BRINP3: variants seen among roughly 807,000 people sequenced by gnomAD.
BRINP3 encodes the protein BMP/retinoic acid inducible neural specific 3.
In BRINP3, 19 loss-of-function variants were observed where a neutral mutation model predicts 71.0. That is an observed-to-expected ratio of 0.27 (90% CI 0.19 to 0.39). The LOEUF (loss-of-function observed/expected upper bound fraction) is 0.39, where lower values mean the gene tolerates loss of function less well. BRINP3 is among the 10% of genes least tolerant of loss of function. The pLI is 1.00. For synonymous variants in BRINP3, 380 were observed against 337.7 expected (o/e 1.13, Z -1.37); for missense variants, 959 against 940.8 (o/e 1.02, Z -0.25).
intron 7 of BRINP3, among the ~76,000 whole-genome samples, chr1:190,143,485 G>A (rs1261496657): frequency 6.6e-6 from 1 of 152,172 alleles, no homozygotes; most frequent in African/African-American, 2.4e-5. Flanking sequence ...TCTCATACCT[G>A]CAGGACCAAT....
intron 2 of BRINP3, among the ~76,000 whole-genome samples, chr1:190,296,082 G>A (rs1421987001): frequency 3.4e-5 from 5 of 148,640 alleles, no homozygotes; most frequent in East Asian, 2.0e-4. Flanking sequence ...TTTTTGGGGG[G>A]GGGCTGGGCT....
At chr1:190,134,848 C>T (rs1654842156) in intron 7 of BRINP3, among the ~76,000 whole-genome samples, 1 of 152,048 alleles carries the variant, frequency 6.6e-6, no homozygotes, top group Non-Finnish European at 1.5e-5. Context: ...TCCTACAGAG[C>T]TGGAACATGA....
At chr1:190,180,820 A>G (rs960352321) in intron 6 of BRINP3, among the ~76,000 whole-genome samples, 1 of 152,074 alleles carries the variant, frequency 6.6e-6, no homozygotes, top group African/African-American at 2.4e-5. Flanking sequence ...TTAACATTTT[A>G]TTTTAAAATA....
At chr1:190,293,577 G>T (rs1163940721) in intron 2 of BRINP3, among the ~76,000 whole-genome samples, 2 of 152,084 alleles carry the variant, frequency 1.3e-5, no homozygotes, top group African/African-American at 4.8e-5. Context: ...TTCCTTGTTG[G>T]TTTTCTGCCT....
intron 2 of BRINP3, among the ~76,000 whole-genome samples, chr1:190,404,295 A>C (rs1039709726): frequency 6.6e-6 from 1 of 152,152 alleles, no homozygotes; most frequent in Non-Finnish European, 1.5e-5. Flanking sequence ...AAGGAAGAAA[A>C]ATGAATTCAT....
chr1:190,383,722 A>C (rs1670699830), intron 2 of BRINP3, among the ~76,000 whole-genome samples: 1 of 152,076 alleles, frequency 6.6e-6, no homozygotes, highest in Admixed American at 6.6e-5. Flanking sequence ...AGTCAGAATA[A>C]CACTAATTTC....
chr1:190,270,586 T>C (rs79530610), intron 3 of BRINP3, among the ~76,000 whole-genome samples: 2,151 of 151,886 alleles, frequency 0.014, 55 homozygotes, highest in African/African-American at 0.049. Flanking sequence ...CAGTATGTTG[T>C]TACATATGAG....
chr1:190,181,194 C>G (rs567030399), intron 6 of BRINP3, among the ~76,000 whole-genome samples: 2 of 152,146 alleles, frequency 1.3e-5, no homozygotes, highest in East Asian at 3.9e-4. Flanking sequence ...CTTTACTTAT[C>G]ATAATGCCCT....
chr1:190,180,740 T>C (rs978523037), intron 6 of BRINP3, among the ~76,000 whole-genome samples: 1 of 152,072 alleles, frequency 6.6e-6, no homozygotes, highest in Admixed American at 6.6e-5. Context: ...GTCAGTGTGT[T>C]AGCCATAGTA....
At chr1:190,400,839 C>T (rs10920713) in intron 2 of BRINP3, among the ~76,000 whole-genome samples, 26,224 of 152,106 alleles carry the variant, frequency 0.17, 2,398 homozygotes, top group East Asian at 0.22. Context: ...TTCAGAAACA[C>T]TGGTTTTAGA....
At chr1:190,304,902 A>G (rs1664989011) in intron 2 of BRINP3, among the ~76,000 whole-genome samples, 1 of 151,902 alleles carries the variant, frequency 6.6e-6, no homozygotes, top group South Asian at 2.1e-4. Flanking sequence ...CAAGGAGCTC[A>G]AACAGCTCAA....
chr1:190,098,884 C>G lies in BRINP3; in HGVS notation c.1435G>C (p.Ala479Pro), dbSNP rs1651436597. 1 of 1,614,154 alleles carries G rather than the reference C, an allele frequency of 6.2e-7. No homozygotes were observed. The part of the protein sequence containing the change: ...LSQGLCKPEV[A>P]ESTDHYIGFE... ...CCAATATAGTGATCGGTGGACTCGG[C>G]GACTTCAGGCTTGCAGAGCCCCTGG... Residue 479 changes from alanine to proline, a missense_variant, in exon 8 of 8, where the codon GCC becomes CCC. By Grantham distance (27) the Ala-to-Pro change is conservative. Coordinates refer to ENST00000367462, the MANE Select transcript of BRINP3 (RefSeq NM_199051.3).
chr1:190,411,201 A>C (rs1271783307), intron 2 of BRINP3, among the ~76,000 whole-genome samples: 1 of 152,128 alleles, frequency 6.6e-6, no homozygotes, highest in Non-Finnish European at 1.5e-5. Flanking sequence ...AAGCAACAGG[A>C]AAAGGATGGT....
rs1651442972 is a variant in BRINP3 at position 190,098,938 on chromosome 1, CGCAG to C, written c.1377_1380del (p.Cys460AlafsTer37). 6.2e-7 allele frequency: 1 copy of C among 1,614,016 alleles called. No individual in the cohort carries two copies. Among genetic ancestry groups the C allele is most frequent in the Non-Finnish European group, 8.5e-7 (1 of 1,180,038 alleles). On this transcript the variant is annotated frameshift_variant, in exon 8 of 8. Transcript: ENST00000367462. LOFTEE classifies it high-confidence loss of function. ...AGCATGTAGCCGGTGTTGCAGGTGC[CGCAG>C]CGGGTGCGGTTGTCTGGTGCGCATG...
intron 5 of BRINP3, among the ~76,000 whole-genome samples, chr1:190,227,864 C>A (rs114926893): frequency 6.6e-6 from 1 of 151,846 alleles, no homozygotes; most frequent in Non-Finnish European, 1.5e-5. Context: ...GTTGGGATTC[C>A]TATGTCAGGG....
chr1:190,466,304 A>G (rs1310551362), intron 1 of BRINP3, among the ~76,000 whole-genome samples: 2 of 151,778 alleles, frequency 1.3e-5, no homozygotes, highest in Non-Finnish European at 3.0e-5. Flanking sequence ...CCAAATGGAA[A>G]TCTCTCAATC....
intron 2 of BRINP3, among the ~76,000 whole-genome samples, chr1:190,380,145 T>C (rs776179033): frequency 3.9e-5 from 6 of 152,100 alleles, no homozygotes; most frequent in Non-Finnish European, 5.9e-5. Flanking sequence ...CCTGTAACAA[T>C]AGTCCAGGTC....
intron 2 of BRINP3, among the ~76,000 whole-genome samples, chr1:190,360,949 A>C (rs1669104285): frequency 6.6e-6 from 1 of 152,172 alleles, no homozygotes; most frequent in South Asian, 2.1e-4. Context: ...CTGGAAGAGT[A>C]GTCAGGGAAA....
chr1:190,139,296 A>C (rs2102381754), intron 7 of BRINP3, among the ~76,000 whole-genome samples: 1 of 151,892 alleles, frequency 6.6e-6, no homozygotes, highest in South Asian at 2.1e-4. Context: ...TACTAAAAAT[A>C]CAAAAATTAG....
Sources: allele counts gnomAD v4.1 joint callset (sites outside exome capture counted in the v4.1 genomes callset), GRCh38; gene constraint gnomAD v4.1.1; transcripts MANE v1.5; gene names NCBI Gene and HGNC (gene_info 2026-07-23, HGNC 2026-07-21).